The following NCOA1 variants were observed in gnomAD, a reference collection of about 807,000 sequenced individuals.
NCOA1 encodes Hin-2 protein.
A neutral mutation model predicts 150.9 loss-of-function variants in NCOA1; 35 were observed. The ratio of observed to expected loss-of-function variants is 0.23; its 90% CI spans 0.18 to 0.31. The LOEUF (loss-of-function observed/expected upper bound fraction) is 0.31, where lower values mean the gene tolerates loss of function less well. NCOA1 is among the 10% of genes least tolerant of loss of function. The pLI is 1.00. For missense variants in NCOA1, 1,491 were observed against 1,749.3 expected, an observed-to-expected ratio of 0.85 and a Z score of 2.63; for synonymous variants, 590 against 630.0, an observed-to-expected ratio of 0.94 and a Z score of 0.95.
At chr2:24,556,942 C>A (rs1435272156) in intron 1 of NCOA1, among the ~76,000 whole-genome samples, 2 of 151,790 alleles carry the variant, frequency 1.3e-5, no homozygotes, top group Non-Finnish European at 2.9e-5. Context: ...AGTGCTTGCT[C>A]TAGGCCATTG....
chr2:24,676,595 C>T (rs187820037), intron 7 of NCOA1, among the ~76,000 whole-genome samples: 1 of 152,300 alleles, frequency 6.6e-6, no homozygotes, highest in East Asian at 1.9e-4. Context: ...AACAACTGCA[C>T]TAACTCCCCA....
intron 11 of NCOA1, among the ~76,000 whole-genome samples, chr2:24,701,506 CAAA>C (rs577569400): frequency 7.7e-5 from 6 of 78,342 alleles, no homozygotes; most frequent in African/African-American, 5.7e-5. Flanking sequence ...GACACTGTCT[CAAA>C]AAAAAAAAAA....
intron 7 of NCOA1, among the ~76,000 whole-genome samples, chr2:24,674,924 TTGCACCATTCCC>T (rs542088770): frequency 1.6e-4 from 25 of 152,208 alleles, no homozygotes; most frequent in Non-Finnish European, 2.5e-4. Flanking sequence ...TTAACTTGCT[TTGCACCATTCCC>T]TACATTTCTT....
At chr2:24,682,333 C>G (rs1672213229) in intron 7 of NCOA1, among the ~76,000 whole-genome samples, 1 of 152,182 alleles carries the variant, frequency 6.6e-6, no homozygotes, top group Non-Finnish European at 1.5e-5. Flanking sequence ...ACTGTCTGCA[C>G]CGAGTCAGGC....
chr2:24,546,906 G>A (rs1037466730), intron 1 of NCOA1, among the ~76,000 whole-genome samples: 3 of 152,240 alleles, frequency 2.0e-5, no homozygotes, highest in Non-Finnish European at 2.9e-5. Context: ...TGACTTCCAA[G>A]AAGAGGGAGT....
At chr2:24,564,616 A>G (rs1666421414) in intron 2 of NCOA1, 186 bp downstream of exon 2, 1 of 151,966 alleles carries the variant, frequency 6.6e-6, no homozygotes, top group Admixed American at 6.6e-5. Context: ...AAAGATCCAG[A>G]TTTTTTTTCC....
chr2:24,750,799 C>A (rs1002293452), intron 19 of NCOA1, among the ~76,000 whole-genome samples: 2 of 151,758 alleles, frequency 1.3e-5, no homozygotes, highest in East Asian at 1.9e-4. Flanking sequence ...GATTAGATGT[C>A]CAAACTGGAT....
chr2:24,681,162 A>G (rs779204384), intron 7 of NCOA1, among the ~76,000 whole-genome samples: 1 of 151,992 alleles, frequency 6.6e-6, no homozygotes, highest in Non-Finnish European at 1.5e-5. Context: ...TCAGGAGTTT[A>G]AGACCAACCT....
chr2:24,765,003 GAAACCCTGCCTAA>G (rs1477249211), intron 22 of NCOA1, among the ~76,000 whole-genome samples: 1 of 152,096 alleles, frequency 6.6e-6, no homozygotes, highest in Non-Finnish European at 1.5e-5. Flanking sequence ...CCAACATGGA[GAAACCCTGCCTAA>G]AAATACAAAA....
intron 2 of NCOA1, among the ~76,000 whole-genome samples, chr2:24,583,218 A>G (rs1212498876): frequency 6.6e-6 from 1 of 152,204 alleles, no homozygotes; most frequent in African/African-American, 2.4e-5. Context: ...GCAAAAAGCC[A>G]ATAATTCAGT....
At chr2:24,727,937 A>G (rs1662784486) in intron 15 of NCOA1, among the ~76,000 whole-genome samples, 1 of 152,246 alleles carries the variant, frequency 6.6e-6, no homozygotes, top group Admixed American at 6.5e-5. Flanking sequence ...TAAATAGAAT[A>G]AGTAGAATAA....
intron 1 of NCOA1, among the ~76,000 whole-genome samples, chr2:24,532,909 G>T (rs1307341051): frequency 6.6e-6 from 1 of 152,094 alleles, no homozygotes; most frequent in Non-Finnish European, 1.5e-5. Flanking sequence ...TTGTTCTTTT[G>T]GCTTAGGATT....
chr2:24,594,237 T>A (rs1333354998), intron 3 of NCOA1, among the ~76,000 whole-genome samples: 1 of 152,168 alleles, frequency 6.6e-6, no homozygotes, highest in Non-Finnish European at 1.5e-5. Flanking sequence ...AAATGGTAAT[T>A]TGTAATTTAT....
chr2:24,627,877 C>T (rs1180579183), intron 3 of NCOA1, among the ~76,000 whole-genome samples: 1 of 152,174 alleles, frequency 6.6e-6, no homozygotes, highest in Non-Finnish European at 1.5e-5. Context: ...AATTGTATTG[C>T]AGAATGATGA....
chr2:24,500,108 C>A (rs59306790), intron 1 of NCOA1, among the ~76,000 whole-genome samples: 14,116 of 152,010 alleles, frequency 0.093, 755 homozygotes, highest in African/African-American at 0.14. Flanking sequence ...TTTTTTCTTT[C>A]TTTCTTTCTT....
intron 5 of NCOA1, 136 bp from the exon 6 acceptor site, chr2:24,665,613 A>G (rs766999381): frequency 7.9e-5 from 57 of 721,932 alleles, no homozygotes; most frequent in African/African-American, 1.8e-5. Context: ...ATGTGAATTT[A>G]TATCACTTTC....
At chr2:24,749,819 T>G (rs1206132917) in intron 19 of NCOA1, among the ~76,000 whole-genome samples, 1 of 152,168 alleles carries the variant, frequency 6.6e-6, no homozygotes, top group African/African-American at 2.4e-5. Context: ...ATACTACCTG[T>G]AATGAGGAGA....
intron 1 of NCOA1, among the ~76,000 whole-genome samples, chr2:24,497,850 G>C (rs564489318): frequency 3.3e-5 from 5 of 152,200 alleles, no homozygotes; most frequent in African/African-American, 1.2e-4. Context: ...GTGTGGTTTG[G>C]TTTTGTTTTT....
intron 6 of NCOA1, among the ~76,000 whole-genome samples, chr2:24,671,895 A>G (rs930595379): frequency 6.6e-6 from 1 of 152,126 alleles, no homozygotes; most frequent in African/African-American, 2.4e-5. Context: ...TACATTACCT[A>G]TTAAAATACT....
Sources: gnomAD v4.1 joint callset for allele counts (sites outside exome capture counted in the v4.1 genomes callset) on GRCh38, gnomAD v4.1.1 for gene constraint, MANE v1.5 for transcripts, NCBI Gene and HGNC (gene_info 2026-07-23, HGNC 2026-07-21) for gene names.